The following IL10 variants were observed in gnomAD, a reference collection of about 807,000 sequenced individuals.
The protein encoded by IL10 is interleukin-10.
IL10 carries 7 observed loss-of-function variants against 21.0 expected under a neutral mutation model. The observed-to-expected ratio is 0.33, with a 90% confidence interval of 0.19 to 0.63. The LOEUF (loss-of-function observed/expected upper bound fraction) is 0.63. Ranked by LOEUF, IL10 falls within the 20% of genes least tolerant of loss-of-function variation. The pLI is 0.77. For synonymous variants in IL10, 83 were observed against 79.7 expected, an observed-to-expected ratio of 1.04 and a Z score of -0.22; for missense variants, 161 against 213.0, an observed-to-expected ratio of 0.76 and a Z score of 1.52.
Position 206,771,374 on chromosome 1 carries a change from G to A in IL10, c.207C>T (p.Ser69=). The A allele has an allele frequency of 6.2e-7, 1 of 1,613,826 alleles. No homozygotes were observed. The highest frequency in any genetic ancestry group is 8.5e-7 in the Non-Finnish European group (1 of 1,179,880). ...CTCTCACCTTAAAGTCCTCCAGCAA[G>A]GACTCCTTTAACAACAAGTTGTCCA... ...DQLDNLLLKE[S]LLEDFKGYLG... is the part of the protein sequence containing the mutation. The change falls in exon 2 of 5, where the codon TCC becomes TCT. Residue 69 remains serine (S), a synonymous_variant. Transcript: ENST00000423557.
At chr1:206,769,746 C>T in intron 4 of IL10, 83 bp downstream of exon 4, 1 of 1,080,166 alleles carries the variant, frequency 9.3e-7, no homozygotes, top group South Asian at 1.2e-5. Flanking sequence ...CCTATTGAGT[C>T]CCCACCACCT....
chr1:206,768,272 C>A lies in IL10; in HGVS notation c.*364G>T. Reference sequence around the variant, plus strand: ...TCAACAGCTAGAAAGCGTGGTCAGGCTTGGAATGGAAGCTTCTGTTGGCTC... The same window carrying A: ...TCAACAGCTAGAAAGCGTGGTCAGGATTGGAATGGAAGCTTCTGTTGGCTC... On this transcript the variant is annotated 3_prime_UTR_variant, in exon 5 of 5. Coordinates refer to ENST00000423557, the MANE Select transcript of IL10 (RefSeq NM_000572.3). 1 of 304,316 alleles carries A rather than the reference C, an allele frequency of 3.3e-6. No homozygotes were observed. Among genetic ancestry groups the A allele is most frequent in the Non-Finnish European group, 6.2e-6 (1 of 162,154 alleles). The allele number at this position is 304,316 out of a possible 1,614,324, so 18.9% of individuals were successfully genotyped here.
chr1:206,769,736 C>T lies in IL10; in HGVS notation c.444+93G>A, dbSNP rs571227477. 7 of 923,542 alleles carry T rather than the reference C, an allele frequency of 7.6e-6. No individual in the cohort carries two copies. In the East Asian group the frequency reaches 1.7e-4, roughly 22 times the overall value. The allele number at this position is 923,542 out of a possible 1,614,324, so 57.2% of individuals were successfully genotyped here. On this transcript the variant is annotated intron_variant, in intron 4 of 4. Coordinates refer to ENST00000423557, the MANE Select transcript of IL10 (RefSeq NM_000572.3). ...ACACTCTCTCCAATGAAGAATGGGGCCTATTGAGTCCCCACCACCTTCCAT... is the reference window on the plus strand; with the variant it reads ...ACACTCTCTCCAATGAAGAATGGGGTCTATTGAGTCCCCACCACCTTCCAT...
intron 1 of IL10, 67 bp from the exon 2 acceptor site, chr1:206,771,482 A>T: frequency 7.8e-7 from 1 of 1,278,976 alleles, no homozygotes; most frequent in Non-Finnish European, 1.1e-6. Flanking sequence ...GGTCTTTTTG[A>T]TGCCCTTTCA....
rs1303299971 is a variant in IL10, at chr1:206,767,604, A to G, written c.*1032T>C. ...AAGAGTCAACTGACACCAGAACATG[A>G]TGTGAATAAGATACATTTATTTATT... On this transcript the variant is annotated 3_prime_UTR_variant, in exon 5 of 5. Coordinates refer to ENST00000423557, the MANE Select transcript of IL10 (RefSeq NM_000572.3). 1 of 152,378 alleles carries G rather than the reference A, an allele frequency of 6.6e-6. No individual in the cohort carries two copies. The highest frequency in any genetic ancestry group is 1.5e-5 in the Non-Finnish European group (1 of 68,032). The allele number at this position is 152,378 out of a possible 1,614,324, so 9.4% of individuals were successfully genotyped here.
Position 206,771,051 on chromosome 1 carries a change from C to T in IL10, c.234G>A (p.Leu78=). The change falls in exon 3 of 5, where the codon CTG becomes CTA. Residue 78 remains leucine (L), a synonymous_variant. Transcript: ENST00000423557. ...TCATCTCAGACAAGGCTTGGCAACC[C>T]AGGTAACCCTAAGGGCAGGAGCCAA... is the stretch of plus-strand genomic sequence containing the variant. ...ESLLEDFKGY[L]GCQALSEMIQ... is the part of the protein sequence containing the mutation. 6.2e-7 allele frequency: 1 copy of T among 1,614,142 alleles called. No individual in the cohort carries two copies. Among genetic ancestry groups the T allele is most frequent in the Non-Finnish European group, 8.5e-7 (1 of 1,180,014 alleles).
rs1674731939 is a variant in IL10, at chr1:206,768,557, G to T, written c.*79C>A. 6.3e-6 allele frequency: 5 copies of T among 793,982 alleles called. No homozygotes were observed. The highest frequency in any genetic ancestry group is 9.0e-6 in the Non-Finnish European group (4 of 443,708). The allele number at this position is 793,982 out of a possible 1,614,324, so 49.2% of individuals were successfully genotyped here. The stretch of plus-strand genomic sequence containing the variant: ...TAAGGTTTCTCAAGGGGCTGGGTCA[G>T]CTATCCCAGAGCCCCAGATCCGATT... On this transcript the variant is annotated 3_prime_UTR_variant, in exon 5 of 5. Transcript: ENST00000423557.
rs949718727 is a variant in IL10 at position 206,768,360 on chromosome 1, C to G, written c.*276G>C. ...TAATTTATCTTAAAACACTCAAATA[C>G]CATAGTGTGTCACCCTATGGAAACA... On this transcript the variant is annotated 3_prime_UTR_variant, in exon 5 of 5. Transcript: ENST00000423557. 11 of 412,300 alleles carry G rather than the reference C, an allele frequency of 2.7e-5. No individual in the cohort carries two copies. The highest frequency in any genetic ancestry group is 1.2e-4 in the Admixed American group (3 of 25,248). 25.5% of individuals were successfully genotyped at this position (412,300 alleles called of 1,614,324 possible).
Position 206,768,622 on chromosome 1 carries a change from G to T in IL10, c.*14C>A. ...TTTATGTCCTAGAGTCTATAGAGTC[G>T]CCACCCTGATGTCTCAGTTTCGTAT... On this transcript the variant is annotated 3_prime_UTR_variant, in exon 5 of 5. Transcript: ENST00000423557. 1 of 1,492,286 alleles carries T rather than the reference G, an allele frequency of 6.7e-7. No individual in the cohort carries two copies. Among genetic ancestry groups the T allele is most frequent in the South Asian group, 1.1e-5 (1 of 88,432 alleles). 92.4% of individuals were successfully genotyped at this position (1,492,286 alleles called of 1,614,324 possible).
chr1:206,770,033 G>T, intron 3 of IL10, 139 bp from the exon 4 acceptor site: 1 of 721,972 alleles, frequency 1.4e-6, no homozygotes, highest in Non-Finnish European at 2.5e-6. Flanking sequence ...AGAGAACTGA[G>T]CCCTGCTTCC....
At position 206,768,272 on chromosome 1, in the gene IL10, C is replaced by T. The variant is rs1271381332; in HGVS notation, c.*364G>A. On this transcript the variant is annotated 3_prime_UTR_variant, in exon 5 of 5. Transcript: ENST00000423557. ...TCAACAGCTAGAAAGCGTGGTCAGG[C>T]TTGGAATGGAAGCTTCTGTTGGCTC... The T allele has an allele frequency of 6.6e-6, 2 of 304,198 alleles. No individual in the cohort carries two copies. Among genetic ancestry groups the T allele is most frequent in the Admixed American group, 4.7e-5 (1 of 21,160 alleles). 18.8% of individuals were successfully genotyped at this position (304,198 alleles called of 1,614,324 possible). A position where few individuals can be genotyped will look rare whatever the true frequency, so the allele number is the denominator to read the frequency against.
intron 4 of IL10, among the ~76,000 whole-genome samples, chr1:206,769,270 A>G (rs1321559732): frequency 3.3e-5 from 5 of 152,250 alleles, no homozygotes; most frequent in African/African-American, 9.6e-5. Flanking sequence ...GTTCACGCAC[A>G]GTTGGAAGTG....
intron 1 of IL10, among the ~76,000 whole-genome samples, chr1:206,771,786 A>G (rs570186303): frequency 1.3e-5 from 2 of 152,316 alleles, no homozygotes; most frequent in South Asian, 2.1e-4. Flanking sequence ...TCCCCACTGT[A>G]GACATCCAGT....
rs376366616 is a variant in IL10, at chr1:206,769,589, C to A, written c.444+240G>T. 2.6e-4 allele frequency: 156 copies of A among 590,902 alleles called. 1 individual carries two copies. Among genetic ancestry groups the A allele is most frequent in the African/African-American group, 2.3e-3 (124 of 54,016 alleles). The allele number at this position is 590,902 out of a possible 1,614,324, so 36.6% of individuals were successfully genotyped here. On this transcript the variant is annotated intron_variant, in intron 4 of 4. Transcript: ENST00000423557. ...CAGGCTGGCCGGCCAGCCTAACCCG[C>A]AAGCCTGCAAAGGCAGCGAGCAGTC... is the stretch of plus-strand genomic sequence containing the variant.
chr1:206,769,238 T>C (rs1674751620), intron 4 of IL10, among the ~76,000 whole-genome samples: 1 of 152,236 alleles, frequency 6.6e-6, no homozygotes, highest in Non-Finnish European at 1.5e-5. Context: ...CCGCACGGTT[T>C]CTGGGAAATC....
chr1:206,768,574 G>T lies in IL10; in HGVS notation c.*62C>A, dbSNP rs2102436583. 5.4e-6 allele frequency: 5 copies of T among 926,740 alleles called. No homozygotes were observed. The highest frequency in any genetic ancestry group is 2.6e-5 in the South Asian group (2 of 75,762). 57.4% of individuals were successfully genotyped at this position (926,740 alleles called of 1,614,324 possible). On this transcript the variant is annotated 3_prime_UTR_variant, in exon 5 of 5. Transcript: ENST00000423557. Reference sequence around the variant, plus strand: ...CTGGGTCAGCTATCCCAGAGCCCCAGATCCGATTTTGGAGACCTCTAATTT... The same window carrying T: ...CTGGGTCAGCTATCCCAGAGCCCCATATCCGATTTTGGAGACCTCTAATTT...
chr1:206,771,319 GC>G, intron 2 of IL10, 36 bp downstream of exon 2: 1 of 1,575,622 alleles, frequency 6.3e-7, no homozygotes, highest in African/African-American at 1.3e-5. Flanking sequence ...CCTTAATCAT[GC>G]TGCACACTCC....
At position 206,768,184 on chromosome 1, in the gene IL10, T is replaced by C. The variant is rs3024498; in HGVS notation, c.*452A>G. The C allele has an allele frequency of 0.2, 47,359 of 241,398 alleles. 5,659 individuals are homozygous for C. Among genetic ancestry groups the C allele is most frequent in the Non-Finnish European group, 0.26 (31,946 of 123,544 alleles). 15.0% of individuals were successfully genotyped at this position (241,398 alleles called of 1,614,324 possible). A position where few individuals can be genotyped will look rare whatever the true frequency, so the allele number is the denominator to read the frequency against. On this transcript the variant is annotated 3_prime_UTR_variant, in exon 5 of 5. Transcript: ENST00000423557. ...TGGTTTCTCTTCCTAAGAGTATTTG[T>C]AGCAGTTAGGAAGCCCCAAGCCCAG...
chr1:206,768,588 G>A lies in IL10; in HGVS notation c.*48C>T. 2 of 1,091,440 alleles carry A rather than the reference G, an allele frequency of 1.8e-6. No individual in the cohort carries two copies. The highest frequency in any genetic ancestry group is 2.8e-6 in the Non-Finnish European group (2 of 705,830). 67.6% of individuals were successfully genotyped at this position (1,091,440 alleles called of 1,614,324 possible). ...CCAGAGCCCCAGATCCGATTTTGGA[G>A]ACCTCTAATTTATGTCCTAGAGTCT... On this transcript the variant is annotated 3_prime_UTR_variant, in exon 5 of 5. Transcript: ENST00000423557.
Sources: allele counts gnomAD v4.1 joint callset (sites outside exome capture counted in the v4.1 genomes callset), GRCh38; gene constraint gnomAD v4.1.1; transcripts MANE v1.5; gene names NCBI Gene and HGNC (gene_info 2026-07-23, HGNC 2026-07-21).